Variants in LHX2 observed in about 807,000 individuals in gnomAD.
The protein encoded by LHX2 is LIM homeobox 2, also known as LIM/homeobox protein Lhx2.
In LHX2, 6 loss-of-function variants were observed where a neutral mutation model predicts 33.0. That is an observed-to-expected ratio of 0.18 (90% CI 0.10 to 0.36). The LOEUF is 0.36. Ranked by LOEUF, LHX2 falls within the 10% of genes least tolerant of loss-of-function variation. The pLI, the probability that LHX2 is intolerant of heterozygous loss-of-function variation, is 1.00. For synonymous variants in LHX2, 292 were observed against 253.1 expected, an observed-to-expected ratio of 1.15 and a Z score of -1.46; for missense variants, 442 against 586.2, an observed-to-expected ratio of 0.75 and a Z score of 2.54.
rs917344465 is a variant in LHX2 at position 124,015,410 on chromosome 9, A to G, written c.612A>G (p.Ala204=). ...CCAAGAGCGCGGGGCTGGGCGCAGC[A>G]GGGGCCAACCCTCTGGGTCTTCCCT... is the stretch of plus-strand genomic sequence containing the variant. ...AAAKSAGLGA[A]GANPLGLPYY... Residue 204 remains alanine (A), a synonymous_variant, in exon 3 of 5, where the codon GCA becomes GCG. Transcript: ENST00000373615. The surrounding 1 kb of genome is among the most constrained non-coding windows in gnomAD (Gnocchi z 7.9). 1 of 1,605,270 alleles carries G rather than the reference A, an allele frequency of 6.2e-7. No homozygotes were observed. Among genetic ancestry groups the G allele is most frequent in the South Asian group, 1.1e-5 (1 of 90,400 alleles).
rs371507331 is a variant in LHX2, at chr9:124,030,654, T to C, written c.934-1766T>C. Among the ~76,000 whole-genome samples the C allele has an allele frequency of 3.2e-3, 436 of 135,976 alleles. 1 individual carries two copies. The highest frequency in any genetic ancestry group is 0.012 in the African/African-American group (407 of 34,426). 89.2% of individuals were successfully genotyped at this position (135,976 alleles called of 152,430 possible). Reference sequence around the variant, plus strand: ...TTTTTTTTTTTTTTTTTTTTTGAGATGGAGTCTTGCTCTGTGGCCCAGGCT... The same window carrying C: ...TTTTTTTTTTTTTTTTTTTTTGAGACGGAGTCTTGCTCTGTGGCCCAGGCT... On this transcript the variant is annotated intron_variant, in intron 4 of 4. Transcript: ENST00000373615.
chr9:124,031,153 G>T (rs1263431143), intron 4 of LHX2, among the ~76,000 whole-genome samples: 1 of 152,124 alleles, frequency 6.6e-6, no homozygotes, highest in African/African-American at 2.4e-5. Flanking sequence ...GACTCTGCGG[G>T]TTTCAACTTC....
chr9:124,021,418 G>A, intron 4 of LHX2, 114 bp downstream of exon 4: 1 of 834,406 alleles, frequency 1.2e-6, no homozygotes, highest in Non-Finnish European at 1.9e-6. Context: ...GCTTCTCTGT[G>A]TGTTTAATCT....
At chr9:124,031,455 G>T in intron 4 of LHX2, among the ~76,000 whole-genome samples, 1 of 134,408 alleles carries the variant, frequency 7.4e-6, no homozygotes, top group South Asian at 2.4e-4. Context: ...AAAGGAAAAA[G>T]AAAAAAAAAA....
chr9:124,020,112 C>T (rs1403073181), intron 3 of LHX2, among the ~76,000 whole-genome samples: 3 of 152,174 alleles, frequency 2.0e-5, no homozygotes, highest in African/African-American at 2.4e-5. Flanking sequence ...AGCTGGTTAC[C>T]GGTGGTGTGG....
rs937103590 is a variant in LHX2 at position 124,012,687 on chromosome 9, G to C, written c.120+219G>C. 6.6e-6 allele frequency among the ~76,000 whole-genome samples: 1 copy of C among 152,232 alleles called. No individual in the cohort carries two copies. Among genetic ancestry groups the C allele is most frequent in the African/African-American group, 2.4e-5 (1 of 41,462 alleles). On this transcript the variant is annotated intron_variant, in intron 1 of 4. Coordinates refer to ENST00000373615, the MANE Select transcript of LHX2 (RefSeq NM_004789.4). This position sits in a 1 kb window ranked among gnomAD's most constrained non-coding sequence, Gnocchi z 4.3. Reference sequence around the variant, plus strand: ...AGGTTGAAACCGAAATCTCGGCCCTGGGGGTAGAGGAGAGCGTTTCTTCCG... The same window carrying C: ...AGGTTGAAACCGAAATCTCGGCCCTCGGGGTAGAGGAGAGCGTTTCTTCCG...
In LHX2 at chr9:124,015,344, C is replaced by G. The variant is rs753641074; in HGVS notation, c.546C>G (p.Asn182Lys). The change falls in exon 3 of 5, where the codon AAC becomes AAG. Residue 182 changes from asparagine to lysine, a missense_variant. Around this residue, in one of 5 missense-constraint regions of LHX2, gnomAD observed 132 missense variants for 139.1 expected, o/e 0.95. Transcript: ENST00000373615. This position sits in a 1 kb window ranked among gnomAD's most constrained non-coding sequence, Gnocchi z 7.9. ...AGGGCGAGTACCCCGCACACTTCAACCATGCCGACGTGGCAGCGGCGGCCG... is the reference window on the plus strand; with the variant it reads ...AGGGCGAGTACCCCGCACACTTCAAGCATGCCGACGTGGCAGCGGCGGCCG... ...LLQGEYPAHF[N>K]HADVAAAAAA... 1 of 1,612,438 alleles carries G rather than the reference C, an allele frequency of 6.2e-7. No homozygotes were observed. The highest frequency in any genetic ancestry group is 1.1e-5 in the South Asian group (1 of 91,060).
chr9:124,012,297 GC>G lies in LHX2; in HGVS notation c.-51del. Reference sequence around the variant, plus strand: ...GAGCGCCAGGCAGCTGAGGCGGGGGGCAAGCCCTCCCTCGGAGGAGCCGCGC... The same window carrying G: ...GAGCGCCAGGCAGCTGAGGCGGGGGGAAGCCCTCCCTCGGAGGAGCCGCGC... On this transcript the variant is annotated 5_prime_UTR_variant, in exon 1 of 5. Transcript: ENST00000373615. The surrounding 1 kb of genome is among the most constrained non-coding windows in gnomAD (Gnocchi z 4.3). The G allele has an allele frequency of 6.9e-7, 1 of 1,457,488 alleles. No individual in the cohort carries two copies. Among genetic ancestry groups the G allele is most frequent in the Non-Finnish European group, 9.0e-7 (1 of 1,109,572 alleles). The allele number at this position is 1,457,488 out of a possible 1,614,324, so 90.3% of individuals were successfully genotyped here. A position where few individuals can be genotyped will look rare whatever the true frequency, so the allele number is the denominator to read the frequency against.
Position 124,012,506 on chromosome 9 carries a change from G to A in LHX2, c.120+38G>A. The A allele has an allele frequency of 5.3e-6, 8 of 1,503,776 alleles. No individual in the cohort carries two copies. Among genetic ancestry groups the A allele is most frequent in the Non-Finnish European group, 7.1e-6 (8 of 1,132,332 alleles). The allele number at this position is 1,503,776 out of a possible 1,614,324, so 93.2% of individuals were successfully genotyped here. On this transcript the variant is annotated intron_variant, in intron 1 of 4. Coordinates refer to ENST00000373615, the MANE Select transcript of LHX2 (RefSeq NM_004789.4). This position sits in a 1 kb window ranked among gnomAD's most constrained non-coding sequence, Gnocchi z 4.3. ...CTGTGGGGTCGGGGCTGAGAGCTGGGATGGGGCCGGGCCAGTCAGCGCCTC... is the reference window on the plus strand; with the variant it reads ...CTGTGGGGTCGGGGCTGAGAGCTGGAATGGGGCCGGGCCAGTCAGCGCCTC...
chr9:124,026,303 C>G (rs1828620502), intron 4 of LHX2, among the ~76,000 whole-genome samples: 1 of 151,830 alleles, frequency 6.6e-6, no homozygotes, highest in South Asian at 2.1e-4. Context: ...ACTAAAAACA[C>G]AAAAATTAGC....
intron 4 of LHX2, among the ~76,000 whole-genome samples, chr9:124,028,734 C>T (rs57645167): frequency 6.6e-6 from 1 of 152,140 alleles, no homozygotes; most frequent in South Asian, 2.1e-4. Context: ...GGCAAGTGGT[C>T]CTGGATTCCA....
intron 4 of LHX2, among the ~76,000 whole-genome samples, chr9:124,029,414 G>T (rs1222359312): frequency 6.6e-6 from 1 of 152,160 alleles, no homozygotes; most frequent in East Asian, 1.9e-4. Context: ...ACCTGGGAGA[G>T]AATTCTAGTG....
At chr9:124,021,371 C>T (rs1859290501) in intron 4 of LHX2, 67 bp downstream of exon 4, 26 of 1,450,456 alleles carry the variant, frequency 1.8e-5, no homozygotes, top group Non-Finnish European at 2.3e-5. Flanking sequence ...CTGCACCCCT[C>T]GCCGTGGGCC....
chr9:124,019,789 G>A (rs372867644), intron 3 of LHX2, among the ~76,000 whole-genome samples: 3 of 152,334 alleles, frequency 2.0e-5, no homozygotes, highest in South Asian at 4.1e-4. Context: ...TAGGCGGACC[G>A]AATGTACACC....
chr9:124,032,920 T>TG lies in LHX2; in HGVS notation c.*213_*214insG. On this transcript the variant is annotated 3_prime_UTR_variant, in exon 5 of 5. Coordinates refer to ENST00000373615, the MANE Select transcript of LHX2 (RefSeq NM_004789.4). The surrounding 1 kb of genome is among the most constrained non-coding windows in gnomAD (Gnocchi z 4.1). ...TGGAAGATCTACCTGCAACACAACA[T>TG]TTGTGTCACTGTACAGTTTTGTGGA... The TG allele has an allele frequency of 2.0e-6, 1 of 490,956 alleles. No homozygotes were observed. Among genetic ancestry groups the TG allele is most frequent in the Non-Finnish European group, 3.5e-6 (1 of 282,672 alleles). 30.4% of individuals were successfully genotyped at this position (490,956 alleles called of 1,614,324 possible).
At position 124,015,189 on chromosome 9, in the gene LHX2, G is replaced by A; in HGVS notation, c.391G>A (p.Ala131Thr). Residue 131 changes from alanine (A) to threonine (T), a missense_variant, in exon 3 of 5, where the codon GCT becomes ACT. By Grantham distance (58) the Ala-to-Thr change is moderately conservative. This residue lies in a region of LHX2 where 72 missense variants were observed against 171.6 expected (regional missense o/e 0.42). Coordinates refer to ENST00000373615, the MANE Select transcript of LHX2 (RefSeq NM_004789.4). The surrounding 1 kb of genome is among the most constrained non-coding windows in gnomAD (Gnocchi z 7.9). The part of the protein sequence containing the change: ...GISASEMVMR[A>T]RDLVYHLNCF... ...CTCGGCCTCGGAGATGGTGATGCGC[G>A]CTCGGGACTTGGTTTATCACCTCAA... The A allele has an allele frequency of 3.7e-6, 6 of 1,614,068 alleles. No homozygotes were observed. The highest frequency in any genetic ancestry group is 5.1e-6 in the Non-Finnish European group (6 of 1,180,046).
At position 124,032,368 on chromosome 9, in the gene LHX2, G is replaced by A; in HGVS notation, c.934-52G>A. 6.5e-7 allele frequency: 1 copy of A among 1,529,106 alleles called. No homozygotes were observed. The highest frequency in any genetic ancestry group is 8.8e-7 in the Non-Finnish European group (1 of 1,136,526). 94.7% of individuals were successfully genotyped at this position (1,529,106 alleles called of 1,614,324 possible). On this transcript the variant is annotated intron_variant, in intron 4 of 4. Coordinates refer to ENST00000373615, the MANE Select transcript of LHX2 (RefSeq NM_004789.4). This position sits in a 1 kb window ranked among gnomAD's most constrained non-coding sequence, Gnocchi z 4.1. ...AGAGCTCTGAGTGAAGCAGTCGGGG[G>A]GATGCTCTGCCTGCCTTCCGCTCAC...
intron 4 of LHX2, among the ~76,000 whole-genome samples, chr9:124,028,836 G>A (rs547165228): frequency 1.3e-5 from 2 of 152,272 alleles, no homozygotes; most frequent in South Asian, 2.1e-4. Flanking sequence ...GGGCAGGCAC[G>A]GTGGCTCATG....
intron 4 of LHX2, chr9:124,031,534 G>C (rs1428875213): frequency 6.6e-6 from 1 of 152,128 alleles, no homozygotes; most frequent in Non-Finnish European, 1.5e-5. Flanking sequence ...TGGTGTGTCT[G>C]ATAGAAATGC....
Sources: gnomAD v4.1 joint callset for allele counts (sites outside exome capture counted in the v4.1 genomes callset) on GRCh38, gnomAD v4.1.1 for gene constraint, gnomAD v4.1.1 regional missense constraint, Gnocchi (gnomAD v3.1) non-coding constraint, MANE v1.5 for transcripts, NCBI Gene and HGNC (gene_info 2026-07-23, HGNC 2026-07-21) for gene names.